GSE1: variants seen among roughly 807,000 people sequenced by gnomAD.
The protein encoded by GSE1 is genetic suppressor element 1.
A neutral mutation model predicts 112.6 loss-of-function variants in GSE1; 32 were observed. That is an observed-to-expected ratio of 0.28 (90% CI 0.21 to 0.38). The LOEUF (loss-of-function observed/expected upper bound fraction) is 0.38, where lower values mean the gene tolerates loss of function less well. GSE1 is among the 10% of genes least tolerant of loss of function. The probability of loss-of-function intolerance (pLI) is 1.00; values close to 1 mark genes in which losing one functional copy is unlikely to be tolerated. For synonymous variants in GSE1, 1,115 were observed against 735.6 expected (o/e 1.52, Z -8.35); for missense variants, 2,348 against 1,699.2 (o/e 1.38, Z -6.71).
intron 2 of GSE1, among the ~76,000 whole-genome samples, chr16:85,432,070 C>T (rs1051495786): frequency 8.5e-5 from 13 of 152,228 alleles, no homozygotes; most frequent in African/African-American, 2.2e-4. Context: ...ACTCACCCCT[C>T]ACCCCTCTTC....
intron 2 of GSE1, among the ~76,000 whole-genome samples, chr16:85,478,236 A>G (rs112180060): frequency 0.058 from 8,796 of 152,076 alleles, 399 homozygotes; most frequent in African/African-American, 0.13. Context: ...GGAATATTCC[A>G]TGGCATGGGG....
intron 2 of GSE1, among the ~76,000 whole-genome samples, chr16:85,538,381 G>C (rs1407100434): frequency 6.6e-6 from 1 of 152,210 alleles, no homozygotes; most frequent in Non-Finnish European, 1.5e-5. Flanking sequence ...GGTTTTCTTG[G>C]TGAGAAGAAA....
At chr16:85,506,225 A>G (rs1040465926) in intron 2 of GSE1, among the ~76,000 whole-genome samples, 1 of 152,224 alleles carries the variant, frequency 6.6e-6, no homozygotes, top group African/African-American at 2.4e-5. Flanking sequence ...GGTCACCGCC[A>G]GCCACATGTG....
intron 2 of GSE1, among the ~76,000 whole-genome samples, chr16:85,639,047 G>C (rs891385238): frequency 2.0e-5 from 3 of 152,214 alleles, no homozygotes; most frequent in Non-Finnish European, 2.9e-5. Context: ...GCGTGATCCT[G>C]AGTTGATCCT....
chr16:85,653,822 C>G (rs1037167116), intron 3 of GSE1, among the ~76,000 whole-genome samples: 2 of 152,170 alleles, frequency 1.3e-5, no homozygotes, highest in African/African-American at 4.8e-5. Flanking sequence ...GGGCAGCTGT[C>G]GGCGCAGTTG....
intron 1 of GSE1, among the ~76,000 whole-genome samples, chr16:85,626,177 T>C (rs1269202817): frequency 6.6e-6 from 1 of 151,870 alleles, no homozygotes; most frequent in Non-Finnish European, 1.5e-5. Context: ...TGCCCCCATG[T>C]GTCTGGAGCA....
chr16:85,260,727 G>A (rs1907600786), intron 1 of GSE1, among the ~76,000 whole-genome samples: 1 of 152,224 alleles, frequency 6.6e-6, no homozygotes, highest in Non-Finnish European at 1.5e-5. Flanking sequence ...CCCTACTCCA[G>A]GGAGCTGCTG....
At chr16:85,215,107 G>C (rs1392781099) in intron 1 of GSE1, among the ~76,000 whole-genome samples, 1 of 152,178 alleles carries the variant, frequency 6.6e-6, no homozygotes, top group Non-Finnish European at 1.5e-5. Flanking sequence ...ACAGACATGG[G>C]ATTGTGGCCA....
intron 1 of GSE1, among the ~76,000 whole-genome samples, chr16:85,200,061 G>A (rs781528574): frequency 1.3e-5 from 2 of 152,120 alleles, no homozygotes; most frequent in Non-Finnish European, 2.9e-5. Context: ...TTCTGCCTTC[G>A]TCTCCTCTGT....
At chr16:85,647,434 A>G (rs1279476727) in intron 2 of GSE1, among the ~76,000 whole-genome samples, 1 of 152,184 alleles carries the variant, frequency 6.6e-6, no homozygotes, top group Non-Finnish European at 1.5e-5. Flanking sequence ...ATGGTGAATT[A>G]TATCTCATTT....
intron 2 of GSE1, among the ~76,000 whole-genome samples, chr16:85,411,572 GGC>G (rs533444175): frequency 3.3e-5 from 1 of 30,694 alleles, no homozygotes; most frequent in Admixed American, 3.3e-4. Flanking sequence ...TTACACTCAG[GGC>G]CCCCCCGGAT....
chr16:85,496,241 C>G (rs1331082720), intron 2 of GSE1, among the ~76,000 whole-genome samples: 1 of 152,242 alleles, frequency 6.6e-6, no homozygotes, highest in African/African-American at 2.4e-5. Flanking sequence ...TCCCGCCACC[C>G]CGTGCCTCCA....
upstream of GSE1, chr16:85,611,489 A>G (rs896792834): frequency 3.0e-6 from 3 of 984,838 alleles, no homozygotes; most frequent in South Asian, 4.7e-5. Flanking sequence ...CGTGCGGGGA[A>G]GCAGCACCCC....
intron 1 of GSE1, among the ~76,000 whole-genome samples, chr16:85,219,590 A>C (rs2075358229): frequency 6.6e-6 from 1 of 152,104 alleles, no homozygotes; most frequent in Non-Finnish European, 1.5e-5. Context: ...GAAGAGACAA[A>C]TGTTCTCATT....
chr16:85,223,881 C>T (rs1018128386), intron 1 of GSE1, among the ~76,000 whole-genome samples: 5 of 152,060 alleles, frequency 3.3e-5, no homozygotes, highest in Admixed American at 2.0e-4. Flanking sequence ...CTGGGATTAC[C>T]GGCGTGAGCG....
Position 85,370,354 on chromosome 16 carries a change from C to G in GSE1, c.2464+12711C>G, listed in dbSNP as rs60524708. 4.8e-3 allele frequency among the ~76,000 whole-genome samples: 732 copies of G among 152,288 alleles called. 24 individuals are homozygous for G. In the East Asian group the frequency reaches 0.065, roughly 13 times the overall value. ...CCTCTGCCTCTGCCTGCCCCTCAAGCAGCTAAGCCATGGTCCTCACCTCTG... is the reference window on the plus strand; with the variant it reads ...CCTCTGCCTCTGCCTGCCCCTCAAGGAGCTAAGCCATGGTCCTCACCTCTG... On this transcript the variant is annotated intron_variant, in intron 2 of 2. Transcript: ENST00000637419.
intron 1 of GSE1, among the ~76,000 whole-genome samples, chr16:85,339,256 G>T (rs1207141959): frequency 6.6e-6 from 1 of 152,188 alleles, no homozygotes; most frequent in Non-Finnish European, 1.5e-5. Flanking sequence ...ACCTGGGCGT[G>T]GATGCCAAGC....
chr16:85,609,059 C>T (rs990651149), upstream of GSE1, among the ~76,000 whole-genome samples: 6 of 152,332 alleles, frequency 3.9e-5, no homozygotes, highest in South Asian at 1.2e-3. Context: ...GAGGTTGTGA[C>T]AGTCACGGGT....
In GSE1 at chr16:85,223,012, G is replaced by T. The variant is rs563158418; in HGVS notation, c.2283+51205G>T. Among the ~76,000 whole-genome samples, 4 of 152,300 alleles carry T rather than the reference G, an allele frequency of 2.6e-5. No homozygotes were observed. The South Asian group carries it at 6.2e-4, about 24-fold the overall frequency. Reference sequence around the variant, plus strand: ...ATTTTGCAGATAGTCTTACCGGACTGCTTCCCTCTAGTTTTGTTTTTTTCT... The same window carrying T: ...ATTTTGCAGATAGTCTTACCGGACTTCTTCCCTCTAGTTTTGTTTTTTTCT... On this transcript the variant is annotated intron_variant, in intron 1 of 2. Coordinates refer to the GSE1 transcript ENST00000637419.
Sources: gnomAD v4.1 joint callset for allele counts (sites outside exome capture counted in the v4.1 genomes callset) on GRCh38, gnomAD v4.1.1 for gene constraint, MANE v1.5 for transcripts, NCBI Gene and HGNC (gene_info 2026-07-23, HGNC 2026-07-21) for gene names.